Variants in GNAL observed in about 807,000 individuals in gnomAD.
The protein encoded by GNAL is guanine nucleotide-binding protein G(olf) subunit alpha.
In GNAL, 18 loss-of-function variants were observed where a neutral mutation model predicts 55.1. The observed-to-expected ratio is 0.33, with a 90% CI of 0.23 to 0.48. The LOEUF (loss-of-function observed/expected upper bound fraction) is 0.48. Among genes scored for constraint, GNAL ranks in the 20% least tolerant of loss-of-function variants. The pLI is 0.99. For missense variants in GNAL, 412 were observed against 614.1 expected (o/e 0.67, Z 3.48); for synonymous variants, 253 against 237.0 (o/e 1.07, Z -0.62).
chr18:11,722,961 A>G (rs1216945991), intron 1 of GNAL, among the ~76,000 whole-genome samples: 5 of 149,814 alleles, frequency 3.3e-5, no homozygotes, highest in African/African-American at 1.2e-4. Flanking sequence ...CAGTGAGCCA[A>G]GATCGCGCTA....
intron 5 of GNAL, among the ~76,000 whole-genome samples, chr18:11,836,815 C>T (rs2035508184): frequency 6.6e-6 from 1 of 152,182 alleles, no homozygotes; most frequent in African/African-American, 2.4e-5. Context: ...CACTGAATGA[C>T]AAAGATGAAT....
chr18:11,852,992 G>T (rs780513070), intron 5 of GNAL: 1 of 167,018 alleles, frequency 6.0e-6, no homozygotes, highest in African/African-American at 2.4e-5. Flanking sequence ...AATTAGCATG[G>T]CAGTCATGTT....
At chr18:11,776,707 C>CAAAAAAAAAAAAAAAAAAAAAA (rs33937288) in intron 4 of GNAL, among the ~76,000 whole-genome samples, 1 of 71,648 alleles carries the variant, frequency 1.4e-5, no homozygotes, top group Non-Finnish European at 2.8e-5. Flanking sequence ...GATCCTGCCT[C>CAAAAAAAAAAAAAAAAAAAAAA]AAAAAAAAAA....
intron 5 of GNAL, chr18:11,851,553 G>C: frequency 1.9e-6 from 3 of 1,608,654 alleles, no homozygotes; most frequent in Non-Finnish European, 1.7e-6. Context: ...TGAAGTTCGC[G>C]GCCAAAGAAC....
chr18:11,810,929 C>A, intron 4 of GNAL: 1 of 152,416 alleles, frequency 6.6e-6, no homozygotes, highest in African/African-American at 2.4e-5. Flanking sequence ...GGGCCGCCCC[C>A]CACACCCCGC....
At chr18:11,842,075 C>T (rs891446032) in intron 5 of GNAL, among the ~76,000 whole-genome samples, 1 of 151,898 alleles carries the variant, frequency 6.6e-6, no homozygotes, top group Non-Finnish European at 1.5e-5. Context: ...CGGGTTCAAG[C>T]AATTCTCCTG....
chr18:11,701,651 G>T (rs1440010138), intron 1 of GNAL, among the ~76,000 whole-genome samples: 1 of 151,416 alleles, frequency 6.6e-6, no homozygotes, highest in Admixed American at 6.6e-5. Context: ...CTCCAAGTTT[G>T]CACCTGGCAG....
chr18:11,831,112 A>G (rs1223046023), intron 5 of GNAL, among the ~76,000 whole-genome samples: 3 of 152,198 alleles, frequency 2.0e-5, no homozygotes, highest in Non-Finnish European at 4.4e-5. Flanking sequence ...GCATACATCA[A>G]AATGGTGAGT....
At chr18:11,778,595 A>G (rs2033846074) in intron 4 of GNAL, among the ~76,000 whole-genome samples, 1 of 152,164 alleles carries the variant, frequency 6.6e-6, no homozygotes, top group African/African-American at 2.4e-5. Flanking sequence ...CCTCTTGTAT[A>G]AATGAAAGCT....
intron 1 of GNAL, among the ~76,000 whole-genome samples, chr18:11,691,644 G>A (rs1207039092): frequency 2.6e-5 from 4 of 151,850 alleles, no homozygotes; most frequent in African/African-American, 9.7e-5. Flanking sequence ...TGTATAAGGT[G>A]TAAGGAAGGG....
intron 10 of GNAL, among the ~76,000 whole-genome samples, chr18:11,872,957 A>G (rs1336546660): frequency 6.6e-6 from 1 of 152,050 alleles, no homozygotes; most frequent in Non-Finnish European, 1.5e-5. Context: ...AGCCTTGGGG[A>G]TTTCCAGCAG....
At chr18:11,850,877 T>C (rs2035841101) in intron 5 of GNAL, among the ~76,000 whole-genome samples, 1 of 152,232 alleles carries the variant, frequency 6.6e-6, no homozygotes, top group Non-Finnish European at 1.5e-5. Flanking sequence ...TAGCACAAAT[T>C]GTAGTCAAAG....
chr18:11,810,071 C>T (rs1409367122), intron 4 of GNAL, among the ~76,000 whole-genome samples: 1 of 152,202 alleles, frequency 6.6e-6, no homozygotes, highest in Non-Finnish European at 1.5e-5. Flanking sequence ...AGGGGCTGCA[C>T]CTTCTCAGAA....
At chr18:11,864,258 GT>G (rs1165148686) in intron 6 of GNAL, among the ~76,000 whole-genome samples, 2 of 151,772 alleles carry the variant, frequency 1.3e-5, no homozygotes, top group South Asian at 2.1e-4. Flanking sequence ...GGCTAATTTG[GT>G]TTTTTTGTAT....
At chr18:11,734,331 C>T (rs763612175) in intron 1 of GNAL, among the ~76,000 whole-genome samples, 5 of 151,700 alleles carry the variant, frequency 3.3e-5, no homozygotes, top group South Asian at 2.1e-4. Flanking sequence ...TTAGTAGAGA[C>T]GGGGTTTCAT....
chr18:11,758,189 C>T (rs2033124115), intron 4 of GNAL, among the ~76,000 whole-genome samples: 3 of 152,170 alleles, frequency 2.0e-5, no homozygotes, highest in South Asian at 4.1e-4. Context: ...GACCAACTCC[C>T]CACTTGAGAA....
At chr18:11,787,268 G>C (rs58829911) in intron 4 of GNAL, among the ~76,000 whole-genome samples, 13,001 of 152,214 alleles carry the variant, frequency 0.085, 985 homozygotes, top group African/African-American at 0.2. Context: ...GCAGAAGTCT[G>C]TTCTGTATCC....
intron 4 of GNAL, among the ~76,000 whole-genome samples, chr18:11,758,051 C>T (rs945691261): frequency 6.6e-6 from 1 of 151,928 alleles, no homozygotes. Context: ...GATACAAAAC[C>T]CTGTCTGAAT....
intron 9 of GNAL, among the ~76,000 whole-genome samples, chr18:11,869,650 C>T (rs1598442082): frequency 1.3e-5 from 2 of 152,286 alleles, no homozygotes; most frequent in African/African-American, 2.4e-5. Flanking sequence ...CAGTGGCATA[C>T]GCCTATAATC....
Sources: allele counts gnomAD v4.1 joint callset (sites outside exome capture counted in the v4.1 genomes callset), GRCh38; gene constraint gnomAD v4.1.1; transcripts MANE v1.5; gene names NCBI Gene and HGNC (gene_info 2026-07-23, HGNC 2026-07-21).